ANKMY1: variants seen among roughly 807,000 people sequenced by gnomAD.
ANKMY1 encodes ankyrin repeat and MYND domain-containing protein 1.
In ANKMY1, 98 loss-of-function variants were observed where a neutral mutation model predicts 102.0. The observed-to-expected ratio is 0.96, with a 90% CI of 0.82 to 1.14. The LOEUF (loss-of-function observed/expected upper bound fraction) is 1.14. Ranked by LOEUF, ANKMY1 falls within the 50% of genes most tolerant of loss-of-function variation. The pLI, the probability that ANKMY1 is intolerant of heterozygous loss-of-function variation, is 0.00. For missense variants in ANKMY1, 1,330 were observed against 1,347.6 expected, an observed-to-expected ratio of 0.99 and a Z score of 0.20; for synonymous variants, 582 against 559.9, an observed-to-expected ratio of 1.04 and a Z score of -0.56.
intron 8 of ANKMY1, among the ~76,000 whole-genome samples, chr2:240,521,408 C>T (rs2082231487): frequency 6.7e-6 from 1 of 149,164 alleles, no homozygotes; most frequent in Non-Finnish European, 1.5e-5. Flanking sequence ...ACTGTCAAAA[C>T]ATGTCCAGGA....
chr2:240,509,989 C>T (rs2079836487), intron 11 of ANKMY1, among the ~76,000 whole-genome samples: 1 of 148,194 alleles, frequency 6.7e-6, no homozygotes, highest in African/African-American at 2.5e-5. Flanking sequence ...TCCCCTGTCC[C>T]TGCCCTTTGT....
At chr2:240,554,556 A>C in intron 3 of ANKMY1, 1 of 296,188 alleles carries the variant, frequency 3.4e-6, no homozygotes, top group Non-Finnish European at 6.4e-6. Context: ...GACACAGGCA[A>C]TTTCACCAAG....
At chr2:240,478,307 T>C (rs932369586), downstream of ANKMY1, among the ~76,000 whole-genome samples, 4 of 152,232 alleles carry the variant, frequency 2.6e-5, no homozygotes, top group East Asian at 5.8e-4. Flanking sequence ...GTGCGGATAA[T>C]TGTCACTTAC....
At chr2:240,554,833 G>A (rs2092099311) in intron 3 of ANKMY1, 33 bp downstream of exon 3, 1 of 1,611,554 alleles carries the variant, frequency 6.2e-7, no homozygotes. Context: ...GAGGCCCTAG[G>A]GGAGGAGGCG....
chr2:240,513,062 C>T, intron 9 of ANKMY1, 120 bp from the exon 10 acceptor site: 1 of 1,343,076 alleles, frequency 7.4e-7, no homozygotes, highest in Non-Finnish European at 1.0e-6. Context: ...CCATTCTCAG[C>T]CTCACCTGCC....
downstream of ANKMY1, among the ~76,000 whole-genome samples, chr2:240,478,076 C>A (rs572467985): frequency 4.6e-5 from 7 of 152,060 alleles, no homozygotes; most frequent in Non-Finnish European, 1.0e-4. Context: ...CTCACGAGAT[C>A]TGGCTGTTTT....
At chr2:240,526,100 G>T in intron 6 of ANKMY1, 129 bp downstream of exon 6, 2 of 1,171,138 alleles carry the variant, frequency 1.7e-6, no homozygotes, top group Non-Finnish European at 2.5e-6. Context: ...CGAGGTGGAG[G>T]TGTGGACAAT....
rs563243313 is a variant in ANKMY1 at position 240,524,298 on chromosome 2, G to A, written c.1419C>T (p.Asn473=). The change falls in exon 8 of 18, where the codon AAC becomes AAT. Residue 473 remains asparagine (N), a synonymous_variant. Coordinates refer to ENST00000401804, the MANE Select transcript of ANKMY1 (RefSeq NM_001282771.3). The part of the protein sequence containing the change: ...TNLESLYYEV[N]VPSQGSYELR... ...GCTCATAGCTACCCTGGGAAGGCACGTTCACCTCATAGTACAGAGACTCCA... is the reference window on the plus strand; with the variant it reads ...GCTCATAGCTACCCTGGGAAGGCACATTCACCTCATAGTACAGAGACTCCA... 13 of 1,613,782 alleles carry A rather than the reference G, an allele frequency of 8.1e-6. No individual in the cohort carries two copies. The highest frequency in any genetic ancestry group is 5.3e-5 in the African/African-American group (4 of 75,032).
chr2:240,509,273 T>G, intron 12 of ANKMY1, 75 bp downstream of exon 12: 1 of 1,235,150 alleles, frequency 8.1e-7, no homozygotes, highest in Non-Finnish European at 1.1e-6. Flanking sequence ...CAAATCCCAA[T>G]GACGGACTGG....
At position 240,479,630 on chromosome 2, in the gene ANKMY1, C is replaced by T. The variant is rs767211955; in HGVS notation, c.3072G>A (p.Arg1024=). ...AIVTQLEQVS[R]RREEFQ ...TGCTTCACTGGAATTCTTCTCTCCT[C>T]CTGGAAACTTGCTCCAGTTGTGTCA... Residue 1024 remains arginine (R), a synonymous_variant, in exon 18 of 18, where the codon AGG becomes AGA. Transcript: ENST00000401804. 10 of 1,613,746 alleles carry T rather than the reference C, an allele frequency of 6.2e-6. No homozygotes were observed. The African/African-American group carries it at 1.1e-4, about 17-fold the overall frequency.
At chr2:240,516,551 G>A (rs573240491) in intron 9 of ANKMY1, among the ~76,000 whole-genome samples, 2 of 152,156 alleles carry the variant, frequency 1.3e-5, no homozygotes, top group African/African-American at 4.8e-5. Flanking sequence ...TTAAGTTGTT[G>A]TCTGACACAG....
chr2:240,533,303 G>A (rs2085889232), intron 4 of ANKMY1, among the ~76,000 whole-genome samples: 1 of 151,982 alleles, frequency 6.6e-6, no homozygotes, highest in African/African-American at 2.4e-5. Flanking sequence ...GTGGAACAAA[G>A]AAAAACTGCA....
intron 4 of ANKMY1, among the ~76,000 whole-genome samples, chr2:240,544,662 A>G (rs1027565614): frequency 1.4e-4 from 21 of 152,112 alleles, no homozygotes; most frequent in Non-Finnish European, 2.2e-4. Context: ...CACTGTGCGC[A>G]AGCCGAAGCC....
chr2:240,503,773 C>T (rs574565355), intron 13 of ANKMY1, among the ~76,000 whole-genome samples: 1 of 152,196 alleles, frequency 6.6e-6, no homozygotes, highest in Non-Finnish European at 1.5e-5. Context: ...TCCTAAACCC[C>T]GGGATCTGTG....
rs751074753 is a variant in ANKMY1 at position 240,523,892 on chromosome 2, T to C, written c.1825A>G (p.Met609Val). 3.7e-6 allele frequency: 6 copies of C among 1,611,974 alleles called. No homozygotes were observed. The highest frequency in any genetic ancestry group is 5.1e-6 in the Non-Finnish European group (6 of 1,178,832). The change falls in exon 8 of 18, where the codon ATG becomes GTG. Residue 609 changes from methionine to valine, a missense_variant. Transcript: ENST00000401804. ...GCTGGTGCCAGGACCTACTCGATCA[T>C]GGACAGCGCCATCCTCCGCATGGTC... Reference protein sequence around the residue: ...KGTMRRMALSMIERRKRWRTI... With the variant: ...KGTMRRMALSVIERRKRWRTI...
intron 4 of ANKMY1, among the ~76,000 whole-genome samples, chr2:240,549,360 C>G (rs963464452): frequency 6.6e-6 from 1 of 151,002 alleles, no homozygotes; most frequent in African/African-American, 2.4e-5. Context: ...ATACAAAAAT[C>G]AATTCAAGAT....
At chr2:240,511,777 C>A in intron 11 of ANKMY1, 84 bp downstream of exon 11, 1 of 1,465,280 alleles carries the variant, frequency 6.8e-7, no homozygotes, top group African/African-American at 1.5e-5. Context: ...CATGAGAACA[C>A]ATGCTTCCGG....
At position 240,500,538 on chromosome 2, in the gene ANKMY1, C is replaced by A. The variant is rs147582329; in HGVS notation, c.2554G>T (p.Asp852Tyr). 1 of 1,614,030 alleles carries A rather than the reference C, an allele frequency of 6.2e-7. No individual in the cohort carries two copies. Among genetic ancestry groups the A allele is most frequent in the South Asian group, 1.1e-5 (1 of 91,086 alleles). The change falls in exon 14 of 18, where the codon GAC (aspartate) becomes TAC (tyrosine). Residue 852 changes from aspartate (D) to tyrosine (Y), a missense_variant. Coordinates refer to ENST00000401804, the MANE Select transcript of ANKMY1 (RefSeq NM_001282771.3). ...CTGAGCATTACAGGCTTCAGGATGT[C>A]GGCCCCGTGACTGATGAGTCGGTCA... ...LIDRLISHGA[D>Y]ILKPVMLRQG...
At chr2:240,526,701 C>T (rs2083505104) in intron 5 of ANKMY1, 3 of 1,395,388 alleles carry the variant, frequency 2.1e-6, no homozygotes, top group East Asian at 2.7e-5. Flanking sequence ...CAGGAATGTG[C>T]TGGCTGCGAG....
Sources: allele counts gnomAD v4.1 joint callset (sites outside exome capture counted in the v4.1 genomes callset), GRCh38; gene constraint gnomAD v4.1.1; transcripts MANE v1.5; gene names NCBI Gene and HGNC (gene_info 2026-07-23, HGNC 2026-07-21).